The following JAK1 variants were observed in gnomAD, a reference collection of about 807,000 sequenced individuals.
JAK1 encodes tyrosine-protein kinase JAK1.
In JAK1, 16 loss-of-function variants were observed where a neutral mutation model predicts 136.6. The observed-to-expected ratio is 0.12, with a 90% CI of 0.08 to 0.18. The LOEUF (loss-of-function observed/expected upper bound fraction) is 0.18, where lower values mean the gene tolerates loss of function less well. Among genes scored for constraint, JAK1 ranks in the 10% least tolerant of loss-of-function variants. JAK1 has a pLI of 1.00. For synonymous variants in JAK1, 492 were observed against 519.5 expected, an observed-to-expected ratio of 0.95 and a Z score of 0.72; for missense variants, 859 against 1,450.1, an observed-to-expected ratio of 0.59 and a Z score of 6.62.
intron 11 of JAK1, among the ~76,000 whole-genome samples, chr1:64,852,925 G>A (rs1236385546): frequency 1.3e-5 from 2 of 152,192 alleles, no homozygotes; most frequent in African/African-American, 4.8e-5. Context: ...CAGGGTTCTG[G>A]AGTGGGAGAT....
intron 1 of JAK1, among the ~76,000 whole-genome samples, chr1:64,927,921 C>T (rs1333110213): frequency 1.3e-5 from 2 of 152,188 alleles, no homozygotes; most frequent in Non-Finnish European, 2.9e-5. Context: ...ATCCAATCTG[C>T]CTTTTACTAG....
chr1:65,061,356 C>T (rs1647784287), intron 1 of JAK1, among the ~76,000 whole-genome samples: 1 of 152,144 alleles, frequency 6.6e-6, no homozygotes, highest in South Asian at 2.1e-4. Flanking sequence ...GACTGCACCA[C>T]TACACTCCAG....
At position 65,042,212 on chromosome 1, in the gene JAK1, G is replaced by A. The variant is rs1487978031; in HGVS notation, c.-78+2268C>T. On this transcript the variant is annotated intron_variant, in intron 2 of 25. Transcript: ENST00000671954. ...TATTAGGTATTAGAGGCAGTCTAGA[G>A]ATGATTGAAAGTATACGAGAGGATG... Among the ~76,000 whole-genome samples, 5 of 152,152 alleles carry A rather than the reference G, an allele frequency of 3.3e-5. No homozygotes were observed. The East Asian group carries it at 9.6e-4, about 29-fold the overall frequency.
At chr1:64,883,571 TTTGGTGTTGGTA>T in intron 2 of JAK1, 96 bp from the exon 3 acceptor site, 1 of 1,060,154 alleles carries the variant, frequency 9.4e-7, no homozygotes, top group Non-Finnish European at 1.4e-6. Flanking sequence ...AGCAGAAACA[TTTGGTGTTGGTA>T]TTGGATACGT....
In JAK1 at chr1:64,913,560, G is replaced by A. The variant is rs573338704; in HGVS notation, c.-77-27219C>T. Among the ~76,000 whole-genome samples the A allele has an allele frequency of 2.9e-4, 44 of 149,868 alleles. 1 individual carries two copies. The East Asian group carries it at 6.6e-3, about 23-fold the overall frequency. On this transcript the variant is annotated intron_variant, in intron 1 of 24. Transcript: ENST00000342505. ...TCATTCAATAGTTACAACATGATAA[G>A]CTTCGTATTAAGGAGAAAAATCAAA...
intron 2 of JAK1, among the ~76,000 whole-genome samples, chr1:65,001,789 G>C (rs113212195): frequency 3.2e-4 from 49 of 151,798 alleles, no homozygotes; most frequent in African/African-American, 1.2e-3. Flanking sequence ...GTGTTTGAGG[G>C]GTAGCAGGAA....
At chr1:65,053,945 A>G (rs77569221) in intron 1 of JAK1, among the ~76,000 whole-genome samples, 1 of 152,230 alleles carries the variant, frequency 6.6e-6, no homozygotes, top group Non-Finnish European at 1.5e-5. Flanking sequence ...GGCAAGAACA[A>G]CAGCTAGCTG....
chr1:65,001,339 G>A (rs533748279), intron 2 of JAK1, among the ~76,000 whole-genome samples: 13 of 152,318 alleles, frequency 8.5e-5, no homozygotes, highest in African/African-American at 2.6e-4. Context: ...TCCGCCAGCA[G>A]AGGCCTCCTG....
chr1:64,914,421 C>T (rs1645356069), intron 1 of JAK1, among the ~76,000 whole-genome samples: 1 of 152,162 alleles, frequency 6.6e-6, no homozygotes, highest in Non-Finnish European at 1.5e-5. Flanking sequence ...AAAGCTAACA[C>T]AAAGTTTAGA....
In JAK1 at chr1:64,833,429, A is replaced by AAAAG. The variant is rs372661286; in HGVS notation, c.*1129_*1132dup. 1.3e-5 allele frequency: 3 copies of AAAAG among 233,050 alleles called. No homozygotes were observed. Among genetic ancestry groups the AAAAG allele is most frequent in the East Asian group, 6.1e-5 (1 of 16,528 alleles). 14.4% of individuals were successfully genotyped at this position (233,050 alleles called of 1,614,324 possible). A position where few individuals can be genotyped will look rare whatever the true frequency, so the allele number is the denominator to read the frequency against. On this transcript the variant is annotated 3_prime_UTR_variant, in exon 25 of 25. Coordinates refer to ENST00000342505, the MANE Select transcript of JAK1 (RefSeq NM_002227.4). ...CAAACGAATACTAAACAGCATAACA[A>AAAAG]AAAGATTTTCAGACTCTTGGTCATA...
In JAK1 at chr1:64,835,480, G is replaced by T. The variant is rs759645720; in HGVS notation, c.3285C>A (p.Thr1095=). Reference sequence around the variant, plus strand: ...GTCTTGTGACTGTCATCTGGCCATGGGTTGGGCCTATCATTTTCAGGAACA... The same window carrying T: ...GTCTTGTGACTGTCATCTGGCCATGTGTTGGGCCTATCATTTTCAGGAACA... ...MALFLKMIGP[T]HGQMTVTRLV... The change falls in exon 24 of 25, where the codon ACC becomes ACA. Residue 1095 remains threonine, a synonymous_variant. Coordinates refer to ENST00000342505, the MANE Select transcript of JAK1 (RefSeq NM_002227.4). 1.3e-6 allele frequency: 2 copies of T among 1,596,642 alleles called. No homozygotes were observed. Among genetic ancestry groups the T allele is most frequent in the East Asian group, 4.5e-5 (2 of 44,626 alleles).
At position 65,034,928 on chromosome 1, in the gene JAK1, C is replaced by T. The variant is rs190653340; in HGVS notation, c.-78+9552G>A. Reference sequence around the variant, plus strand: ...AAAATTAGCCAGGCATGGCGGTGTGCGCCTGTAATCCCAGCTACTCAGGAG... The same window carrying T: ...AAAATTAGCCAGGCATGGCGGTGTGTGCCTGTAATCCCAGCTACTCAGGAG... On this transcript the variant is annotated intron_variant, in intron 2 of 25. Coordinates refer to the JAK1 transcript ENST00000671954. Among the ~76,000 whole-genome samples, 1,394 of 152,136 alleles carry T rather than the reference C, an allele frequency of 9.2e-3. 14 individuals carry two copies. The highest frequency in any genetic ancestry group is 0.032 in the African/African-American group (1,326 of 41,490).
At chr1:64,886,133 A>T in intron 2 of JAK1, 126 bp downstream of exon 2, 1 of 609,276 alleles carries the variant, frequency 1.6e-6, no homozygotes, top group Non-Finnish European at 2.9e-6. Context: ...GGGAATGAAT[A>T]AATACATCAA....
intron 1 of JAK1, among the ~76,000 whole-genome samples, chr1:64,964,939 A>T (rs545323262): frequency 1.3e-5 from 2 of 152,310 alleles, no homozygotes; most frequent in Admixed American, 1.3e-4. Context: ...TGATCCTTCA[A>T]TGAAAATAAT....
chr1:64,910,321 T>G (rs1045070781), intron 1 of JAK1, among the ~76,000 whole-genome samples: 1 of 152,142 alleles, frequency 6.6e-6, no homozygotes. Flanking sequence ...GAATTTGGCT[T>G]TGAGTTTCCT....
intron 20 of JAK1, among the ~76,000 whole-genome samples, chr1:64,839,128 A>T (rs1198602834): frequency 7.3e-6 from 1 of 137,870 alleles, no homozygotes; most frequent in Non-Finnish European, 1.5e-5. Context: ...CCTGGGCCAC[A>T]GAGCGAGACT....
chr1:65,048,487 G>T (rs1436895758), intron 1 of JAK1, among the ~76,000 whole-genome samples: 1 of 152,172 alleles, frequency 6.6e-6, no homozygotes, highest in Non-Finnish European at 1.5e-5. Context: ...GACTAAGGTC[G>T]CTTGTTATGA....
At chr1:64,846,094 G>T (rs939255503) in intron 14 of JAK1, among the ~76,000 whole-genome samples, 1 of 152,120 alleles carries the variant, frequency 6.6e-6, no homozygotes, top group East Asian at 1.9e-4. Context: ...GATTCCACAG[G>T]GAAGAAGTCA....
chr1:64,842,914 C>T (rs1191910321), intron 17 of JAK1, among the ~76,000 whole-genome samples: 1 of 152,146 alleles, frequency 6.6e-6, no homozygotes, highest in Non-Finnish European at 1.5e-5. Flanking sequence ...ATATCTCCCA[C>T]CCTGCACTCT....
Sources: gnomAD v4.1 joint callset for allele counts (sites outside exome capture counted in the v4.1 genomes callset) on GRCh38, gnomAD v4.1.1 for gene constraint, MANE v1.5 for transcripts, NCBI Gene and HGNC (gene_info 2026-07-23, HGNC 2026-07-21) for gene names.